The following KCTD1 variants were observed in gnomAD, a reference collection of about 807,000 sequenced individuals.
The protein encoded by KCTD1 is BTB/POZ domain-containing protein KCTD1.
A neutral mutation model predicts 66.0 loss-of-function variants in KCTD1; 24 were observed. That is an observed-to-expected ratio of 0.36 (90% confidence interval 0.26 to 0.51). The LOEUF (loss-of-function observed/expected upper bound fraction) is 0.51, where lower values mean the gene tolerates loss of function less well. KCTD1 is among the 20% of genes least tolerant of loss of function. KCTD1 has a pLI of 0.95. For missense variants in KCTD1, 943 were observed against 1,205.2 expected (o/e 0.78, Z 3.22); for synonymous variants, 511 against 517.2 (o/e 0.99, Z 0.16).
At chr18:26,483,786 G>A (rs1370326575) in intron 2 of KCTD1, among the ~76,000 whole-genome samples, 1 of 152,042 alleles carries the variant, frequency 6.6e-6, no homozygotes, top group Non-Finnish European at 1.5e-5. Flanking sequence ...AGAGGCATGT[G>A]CAGAGCTGAC....
chr18:26,554,597 T>C (rs1195967332), intron 1 of KCTD1, among the ~76,000 whole-genome samples: 1 of 152,174 alleles, frequency 6.6e-6, no homozygotes, highest in Non-Finnish European at 1.5e-5. Flanking sequence ...GTAAATCTCC[T>C]GGGGCAAAGA....
intron 1 of KCTD1, among the ~76,000 whole-genome samples, chr18:26,565,525 A>G (rs1985962595): frequency 6.6e-6 from 1 of 152,170 alleles, no homozygotes; most frequent in Non-Finnish European, 1.5e-5. Flanking sequence ...TTTCCTTTTC[A>G]CCTGCAAGAA....
chr18:26,490,261 A>T (rs1982128161), intron 2 of KCTD1, among the ~76,000 whole-genome samples: 1 of 152,092 alleles, frequency 6.6e-6, no homozygotes, highest in South Asian at 2.1e-4. Context: ...AAAACTAAAG[A>T]TTTTCCTCAC....
chr18:26,632,039 G>C (rs1043233867), upstream of KCTD1, among the ~76,000 whole-genome samples: 2 of 151,332 alleles, frequency 1.3e-5, no homozygotes, highest in Non-Finnish European at 2.9e-5. Context: ...GACAGAGTGA[G>C]ACTCCGTCTC....
chr18:26,511,117 A>G (rs914150092), intron 1 of KCTD1, among the ~76,000 whole-genome samples: 1 of 152,206 alleles, frequency 6.6e-6, no homozygotes, highest in Middle Eastern at 3.2e-3. Context: ...TACTCTTGAC[A>G]CAGTGCTATA....
chr18:26,537,676 G>C (rs959719085), intron 1 of KCTD1, among the ~76,000 whole-genome samples: 1 of 152,168 alleles, frequency 6.6e-6, no homozygotes, highest in Non-Finnish European at 1.5e-5. Flanking sequence ...TCATAACACA[G>C]GCTCTAGCCA....
chr18:26,558,550 A>G (rs1479762828), intron 1 of KCTD1, among the ~76,000 whole-genome samples: 1 of 152,236 alleles, frequency 6.6e-6, no homozygotes, highest in East Asian at 1.9e-4. Flanking sequence ...ATTTGGAAGC[A>G]ACCTAAGTGT....
chr18:26,556,498 A>T (rs1260189215), intron 1 of KCTD1, among the ~76,000 whole-genome samples: 1 of 152,200 alleles, frequency 6.6e-6, no homozygotes, highest in African/African-American at 2.4e-5. Context: ...ATTCCCTTAA[A>T]CTAAAAAGCA....
At chr18:26,523,202 T>A (rs1239644096) in intron 1 of KCTD1, among the ~76,000 whole-genome samples, 1 of 152,082 alleles carries the variant, frequency 6.6e-6, no homozygotes, top group East Asian at 1.9e-4. Context: ...AAACACTGAG[T>A]TAAACAGGCT....
intron 1 of KCTD1, among the ~76,000 whole-genome samples, chr18:26,568,814 T>C (rs1986041020): frequency 6.6e-6 from 1 of 152,230 alleles, no homozygotes; most frequent in Non-Finnish European, 1.5e-5. Context: ...GCTCAACAAA[T>C]TGCTCTGATA....
intron 2 of KCTD1, among the ~76,000 whole-genome samples, chr18:26,481,856 T>C (rs1356747094): frequency 2.0e-5 from 3 of 152,172 alleles, no homozygotes; most frequent in Admixed American, 6.5e-5. Context: ...CAGGCATCTG[T>C]ATTTTTTTTA....
upstream of KCTD1, among the ~76,000 whole-genome samples, chr18:26,631,013 G>A (rs947423799): frequency 6.6e-6 from 1 of 152,182 alleles, no homozygotes; most frequent in African/African-American, 2.4e-5. Flanking sequence ...CTGATTAGAT[G>A]GTGGTGATAC....
chr18:26,517,713 C>T (rs1286895762), intron 1 of KCTD1, among the ~76,000 whole-genome samples: 1 of 151,124 alleles, frequency 6.6e-6, no homozygotes. Flanking sequence ...GCTATCCTCT[C>T]TTGTCTGCCG....
intron 1 of KCTD1, among the ~76,000 whole-genome samples, chr18:26,522,913 A>G (rs891772593): frequency 3.3e-5 from 5 of 152,178 alleles, no homozygotes; most frequent in Admixed American, 3.3e-4. Flanking sequence ...CTGAGACCTA[A>G]ACTAGATTTT....
intron 1 of KCTD1, among the ~76,000 whole-genome samples, chr18:26,654,972 C>A (rs549268747): frequency 6.6e-6 from 1 of 152,278 alleles, no homozygotes; most frequent in East Asian, 1.9e-4. Context: ...AGGAATAAAT[C>A]GGCACACTGC....
intron 1 of KCTD1, among the ~76,000 whole-genome samples, chr18:26,648,365 A>T (rs7343004): frequency 0.012 from 1,848 of 152,328 alleles, 39 homozygotes; most frequent in African/African-American, 0.043. Flanking sequence ...GTCATGTACA[A>T]TGGGAGCATA....
At chr18:26,530,106 G>C (rs1309267817) in intron 1 of KCTD1, among the ~76,000 whole-genome samples, 1 of 152,164 alleles carries the variant, frequency 6.6e-6, no homozygotes, top group African/African-American at 2.4e-5. Context: ...CATGCCCTGG[G>C]TTGACATTTA....
chr18:26,562,795 T>A (rs1366109310), intron 1 of KCTD1, among the ~76,000 whole-genome samples: 1 of 152,174 alleles, frequency 6.6e-6, no homozygotes, highest in African/African-American at 2.4e-5. Context: ...ACCTCTTCTC[T>A]GTGTGAGAGC....
chr18:26,606,770 A>G lies in KCTD1; in HGVS notation c.-16+22377T>C, dbSNP rs572365700. Reference sequence around the variant, plus strand: ...AGCCAAGTCAGACTCAGGTCAGCATAATGGCTTAGGTGACACATAGACTCG... The same window carrying G: ...AGCCAAGTCAGACTCAGGTCAGCATGATGGCTTAGGTGACACATAGACTCG... On this transcript the variant is annotated intron_variant, in intron 1 of 4. Transcript: ENST00000317932. Among the ~76,000 whole-genome samples the G allele has an allele frequency of 3.3e-5, 5 of 152,304 alleles. No individual in the cohort carries two copies. The South Asian group carries it at 8.3e-4, about 25-fold the overall frequency.
Sources: allele counts gnomAD v4.1 joint callset (sites outside exome capture counted in the v4.1 genomes callset), GRCh38; gene constraint gnomAD v4.1.1; transcripts MANE v1.5; gene names NCBI Gene and HGNC (gene_info 2026-07-23, HGNC 2026-07-21).